OLFM3: variants seen among roughly 807,000 people sequenced by gnomAD.
The protein encoded by OLFM3 is noelin-3.
Under a neutral mutation model 48.6 loss-of-function variants are expected in OLFM3, and 20 were observed. The observed-to-expected ratio is 0.41, with a 90% CI of 0.29 to 0.60. OLFM3 has a LOEUF of 0.60. Ranked by LOEUF, OLFM3 falls within the 20% of genes least tolerant of loss-of-function variation. The pLI, the probability that OLFM3 is intolerant of heterozygous loss-of-function variation, is 0.28. For synonymous variants in OLFM3, 222 were observed against 198.1 expected (o/e 1.12, Z -1.01); for missense variants, 437 against 544.3 (o/e 0.80, Z 1.96).
chr1:101,893,250 GA>G (rs929849547), intron 1 of OLFM3: 2,780 of 269,652 alleles, frequency 0.01, 1 homozygote, highest in South Asian at 0.018. Context: ...CAGAGGTGGG[GA>G]AAAAAAAAAG....
At chr1:101,857,707 CTCCTT>C (rs1429185176) in intron 1 of OLFM3, among the ~76,000 whole-genome samples, 1 of 151,272 alleles carries the variant, frequency 6.6e-6, no homozygotes, top group Non-Finnish European at 1.5e-5. Flanking sequence ...TCCATATTTT[CTCCTT>C]TCTTCTCTTT....
intron 1 of OLFM3, among the ~76,000 whole-genome samples, chr1:101,926,917 G>A (rs113100973): frequency 1.7e-4 from 26 of 152,152 alleles, no homozygotes; most frequent in African/African-American, 5.5e-4. Flanking sequence ...CTTACTACTA[G>A]CATTACCTTC....
intron 1 of OLFM3, among the ~76,000 whole-genome samples, chr1:101,973,716 G>T (rs891600051): frequency 1.6e-4 from 25 of 152,144 alleles, no homozygotes; most frequent in South Asian, 2.1e-4. Context: ...TAAAGCAAAG[G>T]AATGAAGACT....
intron 4 of OLFM3, among the ~76,000 whole-genome samples, chr1:101,819,707 G>T (rs1347389833): frequency 1.3e-5 from 2 of 152,044 alleles, no homozygotes; most frequent in South Asian, 4.2e-4. Context: ...AGGTATCTGG[G>T]GGGGTCTTTA....
chr1:101,965,751 A>G (rs1410169927), intron 1 of OLFM3, among the ~76,000 whole-genome samples: 1 of 152,226 alleles, frequency 6.6e-6, no homozygotes, highest in African/African-American at 2.4e-5. Context: ...TTTTCTGAAT[A>G]TATTCTGAAG....
chr1:101,893,199 C>T (rs1658070162), intron 1 of OLFM3: 1 of 288,742 alleles, frequency 3.5e-6, no homozygotes. Flanking sequence ...AACAAGAAAA[C>T]AGGCTCTGCA....
At chr1:101,831,814 G>C (rs72987905) in intron 2 of OLFM3, among the ~76,000 whole-genome samples, 9,707 of 152,218 alleles carry the variant, frequency 0.064, 562 homozygotes, top group African/African-American at 0.15. Flanking sequence ...ATTAAAGTTT[G>C]AGAAGTACTG....
intron 1 of OLFM3, among the ~76,000 whole-genome samples, chr1:101,956,086 G>GTTGGTTTTTTT (rs1553183027): frequency 9.0e-4 from 95 of 105,040 alleles, no homozygotes; most frequent in Middle Eastern, 4.6e-3. Flanking sequence ...ACAATAACAG[G>GTTGGTTTTTTT]TTTTTTTTTT....
intron 1 of OLFM3, among the ~76,000 whole-genome samples, chr1:101,917,997 AC>A (rs751565624): frequency 2.4e-4 from 37 of 152,222 alleles, no homozygotes; most frequent in Non-Finnish European, 3.8e-4. Flanking sequence ...ATTAAAAAAA[AC>A]CACATTTTAT....
intron 1 of OLFM3, among the ~76,000 whole-genome samples, chr1:101,907,736 T>C (rs1417820251): frequency 2.0e-5 from 3 of 152,230 alleles, no homozygotes; most frequent in African/African-American, 4.8e-5. Context: ...CGCTAATCAG[T>C]CTGGGATATT....
At chr1:101,825,336 A>G in intron 3 of OLFM3, 91 bp from the exon 4 acceptor site, 2 of 992,742 alleles carry the variant, frequency 2.0e-6, no homozygotes, top group Non-Finnish European at 2.9e-6. Context: ...GGAAATTATT[A>G]AAACAGCTTC....
chr1:101,869,248 T>C (rs917047876), intron 1 of OLFM3, among the ~76,000 whole-genome samples: 4 of 152,150 alleles, frequency 2.6e-5, no homozygotes, highest in African/African-American at 9.7e-5. Context: ...AGTGGGGCTG[T>C]ACCCTGCAAA....
chr1:101,888,277 G>T (rs538129404), intron 1 of OLFM3, among the ~76,000 whole-genome samples: 1 of 152,240 alleles, frequency 6.6e-6, no homozygotes, highest in South Asian at 2.1e-4. Flanking sequence ...ATCCAAAACA[G>T]CATGGTACTG....
At chr1:101,805,806 G>A in intron 5 of OLFM3, among the ~76,000 whole-genome samples, 1 of 151,538 alleles carries the variant, frequency 6.6e-6, no homozygotes, top group Non-Finnish European at 1.5e-5. Context: ...AGAGTATACA[G>A]GAAATTAGCC....
At chr1:101,993,253 A>C (rs1374227754) in intron 1 of OLFM3, among the ~76,000 whole-genome samples, 2 of 152,150 alleles carry the variant, frequency 1.3e-5, no homozygotes, top group African/African-American at 4.8e-5. Flanking sequence ...GTTCTGATTC[A>C]CAGGGATTAC....
At chr1:101,822,137 T>A (rs1654634467) in intron 4 of OLFM3, among the ~76,000 whole-genome samples, 1 of 152,028 alleles carries the variant, frequency 6.6e-6, no homozygotes, top group Non-Finnish European at 1.5e-5. Flanking sequence ...TTTGGGGGGT[T>A]ACATGTGGGT....
chr1:101,968,556 T>C lies in OLFM3; in HGVS notation c.69+28192A>G, dbSNP rs566031370. On this transcript the variant is annotated intron_variant, in intron 1 of 5. Transcript: ENST00000370103. ...CTGAAAAAAAAAAAAAAAAAAGGCA[T>C]TAGTACCCCTTCCTCATGTATCCCA... Among the ~76,000 whole-genome samples the C allele has an allele frequency of 3.1e-5, 4 of 127,858 alleles. 1 individual carries two copies. In the South Asian group the frequency reaches 1.1e-3, roughly 34 times the overall value. 83.9% of individuals were successfully genotyped at this position (127,858 alleles called of 152,430 possible). A position where few individuals can be genotyped will look rare whatever the true frequency, so the allele number is the denominator to read the frequency against.
chr1:101,849,183 AT>A (rs2100946034), intron 1 of OLFM3, among the ~76,000 whole-genome samples: 1 of 152,384 alleles, frequency 6.6e-6, no homozygotes, highest in South Asian at 2.1e-4. Flanking sequence ...AAAAGCTCAA[AT>A]TACAATAATT....
At chr1:101,887,686 C>A (rs1657818355) in intron 1 of OLFM3, among the ~76,000 whole-genome samples, 1 of 151,910 alleles carries the variant, frequency 6.6e-6, no homozygotes, top group Non-Finnish European at 1.5e-5. Context: ...ATAAAATCAT[C>A]TTGGTAAATA....
Sources: allele counts gnomAD v4.1 joint callset (sites outside exome capture counted in the v4.1 genomes callset), GRCh38; gene constraint gnomAD v4.1.1; transcripts MANE v1.5; gene names NCBI Gene and HGNC (gene_info 2026-07-23, HGNC 2026-07-21).